ARHGAP24: variants seen among roughly 807,000 people sequenced by gnomAD.
ARHGAP24 encodes the protein rho GTPase-activating protein 24.
In ARHGAP24, 50 loss-of-function variants were observed where a neutral mutation model predicts 76.4. The ratio of observed to expected loss-of-function variants is 0.65; its 90% CI spans 0.52 to 0.83. ARHGAP24 has a LOEUF of 0.83. Ranked by LOEUF, ARHGAP24 falls within the 40% of genes least tolerant of loss-of-function variation. The pLI, the probability that ARHGAP24 is intolerant of heterozygous loss-of-function variation, is 0.00. For missense variants in ARHGAP24, 930 were observed against 914.2 expected (o/e 1.02, Z -0.22); for synonymous variants, 345 against 323.3 (o/e 1.07, Z -0.72).
chr4:85,999,771 C>A (rs1740895358), intron 9 of ARHGAP24: 1 of 152,128 alleles, frequency 6.6e-6, no homozygotes, highest in South Asian at 2.1e-4. Context: ...AAAAGCTATA[C>A]AAAACAACTA....
At chr4:85,997,926 G>A (rs1306773449) in intron 9 of ARHGAP24, among the ~76,000 whole-genome samples, 1 of 152,042 alleles carries the variant, frequency 6.6e-6, no homozygotes, top group Non-Finnish European at 1.5e-5. Context: ...CAAAGTGCTG[G>A]GGTTACAGGC....
chr4:85,811,791 T>A (rs1358053772), intron 3 of ARHGAP24, among the ~76,000 whole-genome samples: 1 of 152,250 alleles, frequency 6.6e-6, no homozygotes. Context: ...GCATCTTTTT[T>A]AAACAAAGTC....
chr4:85,980,584 T>C (rs1284859956), intron 8 of ARHGAP24, among the ~76,000 whole-genome samples: 1 of 152,340 alleles, frequency 6.6e-6, no homozygotes, highest in Non-Finnish European at 1.5e-5. Flanking sequence ...TACTATATGC[T>C]TTCAGAATAT....
At position 85,957,779 on chromosome 4, in the gene ARHGAP24, A is replaced by C. The variant is rs555547403; in HGVS notation, c.600-14257A>C. 6.6e-5 allele frequency among the ~76,000 whole-genome samples: 10 copies of C among 152,368 alleles called. No homozygotes were observed. The South Asian group carries it at 2.1e-3, about 32-fold the overall frequency. On this transcript the variant is annotated intron_variant, in intron 5 of 9. Coordinates refer to ENST00000395184, the MANE Select transcript of ARHGAP24 (RefSeq NM_001025616.3). ...AAAGTCTGAAAAATAACAGGCTTTA[A>C]GGAAAAATATCTCATATGTGAGAAA...
intron 3 of ARHGAP24, among the ~76,000 whole-genome samples, chr4:85,799,650 G>A (rs1005952579): frequency 2.6e-5 from 4 of 152,108 alleles, no homozygotes; most frequent in African/African-American, 9.7e-5. Flanking sequence ...AATTTGAAGT[G>A]GAACCAGTAA....
At chr4:85,506,076 A>G (rs1229909819) in intron 1 of ARHGAP24, among the ~76,000 whole-genome samples, 2 of 152,100 alleles carry the variant, frequency 1.3e-5, no homozygotes, top group Admixed American at 6.5e-5. Context: ...CAAATGTTGC[A>G]GAACAGCGAA....
intron 3 of ARHGAP24, among the ~76,000 whole-genome samples, chr4:85,840,017 C>CT (rs70948759): frequency 0.27 from 30,457 of 114,592 alleles, 4,742 homozygotes; most frequent in Non-Finnish European, 0.38. Context: ...GCCTGGCTAA[C>CT]TTTTTTTTTT....
chr4:85,770,010 G>A (rs1347505347), intron 3 of ARHGAP24, among the ~76,000 whole-genome samples: 2 of 152,208 alleles, frequency 1.3e-5, no homozygotes, highest in Non-Finnish European at 2.9e-5. Context: ...TAAAATAAAT[G>A]TAAGGAAATA....
intron 5 of ARHGAP24, among the ~76,000 whole-genome samples, chr4:85,955,001 A>G (rs1408889614): frequency 6.6e-6 from 1 of 152,140 alleles, no homozygotes; most frequent in Non-Finnish European, 1.5e-5. Flanking sequence ...AAAGAGTGAA[A>G]CTCTGTCTCA....
Position 85,570,385 on chromosome 4 carries a change from T to TA in ARHGAP24, c.-20-137_-20-136insA. Reference sequence around the variant, plus strand: ...CTTTCTCTTTCTTTCTTTCTTTCTTTCTTTCTTTCTTTCTTTCTTTCTTTC... The same window carrying TA: ...CTTTCTCTTTCTTTCTTTCTTTCTTTACTTTCTTTCTTTCTTTCTTTCTTTC... On this transcript the variant is annotated intron_variant, in intron 1 of 9. Coordinates refer to ENST00000395184, the MANE Select transcript of ARHGAP24 (RefSeq NM_001025616.3). 1.6e-4 allele frequency: 3 copies of TA among 19,354 alleles called. 1 individual carries two copies. The highest frequency in any genetic ancestry group is 9.8e-5 in the Non-Finnish European group (1 of 10,182). The allele number at this position is 19,354 out of a possible 1,614,324, so 1.2% of individuals were successfully genotyped here.
intron 3 of ARHGAP24, among the ~76,000 whole-genome samples, chr4:85,754,395 T>C (rs907669494): frequency 6.6e-6 from 1 of 152,234 alleles, no homozygotes; most frequent in African/African-American, 2.4e-5. Context: ...AACATGGAAG[T>C]GCAGATGTCT....
chr4:85,669,511 C>T (rs141190612), intron 2 of ARHGAP24, among the ~76,000 whole-genome samples: 2 of 151,456 alleles, frequency 1.3e-5, no homozygotes, highest in East Asian at 3.9e-4. Context: ...AGAAATGACC[C>T]ATAAAAAGGT....
At chr4:85,788,440 C>T (rs1161395153) in intron 3 of ARHGAP24, among the ~76,000 whole-genome samples, 6 of 152,024 alleles carry the variant, frequency 3.9e-5, no homozygotes, top group Non-Finnish European at 7.4e-5. Flanking sequence ...ATAATCTTAT[C>T]GAAAGTGTAA....
At chr4:85,675,794 T>A (rs1205834071) in intron 2 of ARHGAP24, among the ~76,000 whole-genome samples, 5 of 152,318 alleles carry the variant, frequency 3.3e-5, no homozygotes, top group African/African-American at 1.2e-4. Flanking sequence ...GCCTTATTGT[T>A]TGAACATTCC....
At chr4:85,853,651 G>T (rs1013266982) in intron 3 of ARHGAP24, among the ~76,000 whole-genome samples, 1 of 152,156 alleles carries the variant, frequency 6.6e-6, no homozygotes, top group Non-Finnish European at 1.5e-5. Flanking sequence ...ACCTGGCCGA[G>T]CACAGTGGCT....
intron 8 of ARHGAP24, among the ~76,000 whole-genome samples, chr4:85,985,553 A>G (rs2148863594): frequency 6.6e-6 from 1 of 152,264 alleles, no homozygotes. Flanking sequence ...TGGACAATGA[A>G]ATAATCTGTG....
At chr4:85,796,448 C>T (rs1029831823) in intron 3 of ARHGAP24, among the ~76,000 whole-genome samples, 1 of 151,978 alleles carries the variant, frequency 6.6e-6, no homozygotes, top group Non-Finnish European at 1.5e-5. Context: ...GTTCTAGTTA[C>T]AAAAACTCAA....
At chr4:85,646,034 C>A (rs1268972630) in intron 2 of ARHGAP24, among the ~76,000 whole-genome samples, 1 of 151,808 alleles carries the variant, frequency 6.6e-6, no homozygotes, top group Non-Finnish European at 1.5e-5. Flanking sequence ...AATTATCTAT[C>A]TTTTGTTGAA....
chr4:85,617,555 T>A (rs1720581859), intron 2 of ARHGAP24, among the ~76,000 whole-genome samples: 1 of 152,126 alleles, frequency 6.6e-6, no homozygotes, highest in Non-Finnish European at 1.5e-5. Context: ...GATATAGACA[T>A]ACAGTTATAT....
Sources: allele counts gnomAD v4.1 joint callset (sites outside exome capture counted in the v4.1 genomes callset), GRCh38; gene constraint gnomAD v4.1.1; transcripts MANE v1.5; gene names NCBI Gene and HGNC (gene_info 2026-07-23, HGNC 2026-07-21).